ATP6V0A1: variants seen among roughly 807,000 people sequenced by gnomAD.
ATP6V0A1 encodes V-type proton ATPase 116 kDa subunit a 1.
ATP6V0A1 carries 43 observed loss-of-function variants against 105.4 expected under a neutral mutation model. That is an observed-to-expected ratio of 0.41 (90% CI 0.32 to 0.53). The LOEUF (loss-of-function observed/expected upper bound fraction) is 0.53. ATP6V0A1 is among the 20% of genes least tolerant of loss of function. The pLI is 0.30. For missense variants in ATP6V0A1, 676 were observed against 1,051.1 expected (o/e 0.64, Z 4.93); for synonymous variants, 362 against 372.8 (o/e 0.97, Z 0.33).
At chr17:42,480,532 A>C in intron 7 of ATP6V0A1, 135 bp from the exon 8 acceptor site, 1 of 658,646 alleles carries the variant, frequency 1.5e-6, no homozygotes, top group Admixed American at 3.2e-5. Context: ...GAGTGAGGGC[A>C]GTGGTTAAAA....
chr17:42,507,774 C>T (rs2092117590), intron 18 of ATP6V0A1, 147 bp downstream of exon 18: 2 of 708,670 alleles, frequency 2.8e-6, no homozygotes, highest in South Asian at 1.5e-5. Context: ...CTTAGGGCAC[C>T]ACAGCTTTTT....
intron 5 of ATP6V0A1, among the ~76,000 whole-genome samples, chr17:42,476,023 C>G (rs1348924271): frequency 2.6e-5 from 4 of 152,126 alleles, no homozygotes; most frequent in Non-Finnish European, 5.9e-5. Flanking sequence ...TGTGAGTAGT[C>G]AGGCTCACTG....
rs35135162 is a variant in ATP6V0A1 at position 42,462,998 on chromosome 17, C to CTTTTT, written c.117+2007_117+2011dup. ...CCAGCACCCCAATCAGGATATGGAACTTTTTTTTTTTTTTTTTTTTTTTTG... is the reference window on the plus strand; with the variant it reads ...CCAGCACCCCAATCAGGATATGGAACTTTTTTTTTTTTTTTTTTTTTTTTTTTTTG... On this transcript the variant is annotated intron_variant, in intron 2 of 21. Coordinates refer to ENST00000343619, the MANE Select transcript of ATP6V0A1 (RefSeq NM_001130021.3). 4.2e-3 allele frequency among the ~76,000 whole-genome samples: 281 copies of CTTTTT among 66,168 alleles called. 12 individuals are homozygous for CTTTTT. Among genetic ancestry groups the CTTTTT allele is most frequent in the African/African-American group, 5.7e-3 (92 of 16,064 alleles). The allele number at this position is 66,168 out of a possible 152,430, so 43.4% of individuals were successfully genotyped here.
chr17:42,488,296 A>G (rs2090304605), intron 10 of ATP6V0A1, among the ~76,000 whole-genome samples: 1 of 152,236 alleles, frequency 6.6e-6, no homozygotes, highest in African/African-American at 2.4e-5. Context: ...CAGGATTTAC[A>G]GTGGGTTAGC....
chr17:42,513,909 T>C lies in ATP6V0A1; in HGVS notation c.2179T>C (p.Tyr727His), dbSNP rs756472204. The C allele has an allele frequency of 1.2e-6, 2 of 1,614,168 alleles. No individual in the cohort carries two copies. Among genetic ancestry groups the C allele is most frequent in the Non-Finnish European group, 1.7e-6 (2 of 1,180,028 alleles). ...MVHQAIHTIE[Y>H]CLGCISNTAS... ...CCACCAGGCCATCCACACCATCGAG[T>C]ACTGCCTGGGCTGCATCTCCAACAC... Residue 727 changes from tyrosine to histidine, a missense_variant, in exon 20 of 22, where the codon TAC becomes CAC. Coordinates refer to ENST00000343619, the MANE Select transcript of ATP6V0A1 (RefSeq NM_001130021.3).
chr17:42,494,579 G>T, intron 12 of ATP6V0A1, 106 bp downstream of exon 12: 1 of 1,357,568 alleles, frequency 7.4e-7, no homozygotes, highest in Non-Finnish European at 1.0e-6. Context: ...TTTATCAAAA[G>T]GAAGTAGAGA....
chr17:42,487,498 C>T (rs1218257258), intron 10 of ATP6V0A1, 131 bp downstream of exon 10: 29 of 816,062 alleles, frequency 3.6e-5, no homozygotes, highest in African/African-American at 2.4e-4. Context: ...GAGGCCGAGG[C>T]GGGCAGATCA....
At chr17:42,509,125 C>G (rs1304889719) in intron 19 of ATP6V0A1, among the ~76,000 whole-genome samples, 2 of 151,966 alleles carry the variant, frequency 1.3e-5, no homozygotes, top group African/African-American at 4.8e-5. Flanking sequence ...CTCCATGTGA[C>G]CCAGGTGAGA....
chr17:42,490,471 T>C lies in ATP6V0A1; in HGVS notation c.1024-16T>C. 1 of 1,592,806 alleles carries C rather than the reference T, an allele frequency of 6.3e-7. No individual in the cohort carries two copies. The highest frequency in any genetic ancestry group is 8.5e-7 in the Non-Finnish European group (1 of 1,172,664). On this transcript the variant is annotated splice_polypyrimidine_tract_variant and intron_variant, in intron 10 of 21. Transcript: ENST00000343619. The stretch of plus-strand genomic sequence containing the variant: ...GAGGATAACCTAAGTTTGATAAATG[T>C]GCTAATGTTTTTCAGGAACACAGTG...
intron 3 of ATP6V0A1, among the ~76,000 whole-genome samples, chr17:42,466,975 G>A (rs561921229): frequency 1.3e-5 from 2 of 151,820 alleles, no homozygotes; most frequent in East Asian, 1.9e-4. Context: ...GTAAAACCCC[G>A]TCTCTACTAA....
chr17:42,495,837 T>A (rs2091108245), intron 14 of ATP6V0A1, 121 bp downstream of exon 14: 1 of 858,930 alleles, frequency 1.2e-6, no homozygotes, highest in Non-Finnish European at 1.8e-6. Flanking sequence ...CGCTCATGCC[T>A]GTAATCCCAG....
chr17:42,495,241 C>T, intron 13 of ATP6V0A1, 53 bp downstream of exon 13: 1 of 1,577,962 alleles, frequency 6.3e-7, no homozygotes, highest in Non-Finnish European at 8.7e-7. Context: ...ATGTGCAGCC[C>T]TGATTTTTAA....
At chr17:42,512,636 A>G (rs2092402666) in intron 19 of ATP6V0A1, among the ~76,000 whole-genome samples, 1 of 152,154 alleles carries the variant, frequency 6.6e-6, no homozygotes, top group African/African-American at 2.4e-5. Context: ...CAGAGATGGC[A>G]TGGTGGAGCC....
At position 42,480,956 on chromosome 17, in the gene ATP6V0A1, C is replaced by G. The variant is rs1301562873; in HGVS notation, c.716+207C>G. ...GTTGTTCAGATGGGGGGGTCTCACT[C>G]TGTTGCCCAGGCTGGAGTGCAGTGG... On this transcript the variant is annotated intron_variant, in intron 8 of 21. Transcript: ENST00000343619. 5 of 409,632 alleles carry G rather than the reference C, an allele frequency of 1.2e-5. No individual in the cohort carries two copies. The East Asian group carries it at 2.2e-4, about 18-fold the overall frequency. The allele number at this position is 409,632 out of a possible 1,614,324, so 25.4% of individuals were successfully genotyped here.
chr17:42,508,729 C>T (rs1359420441), intron 19 of ATP6V0A1, 140 bp downstream of exon 19: 5 of 1,173,802 alleles, frequency 4.3e-6, no homozygotes, highest in Non-Finnish European at 6.2e-6. Flanking sequence ...CCATTTCAAA[C>T]CAGTTCGTGA....
At chr17:42,464,329 C>T (rs1043381955) in intron 2 of ATP6V0A1, among the ~76,000 whole-genome samples, 3 of 151,976 alleles carry the variant, frequency 2.0e-5, no homozygotes, top group Non-Finnish European at 4.4e-5. Flanking sequence ...CCTTAGATTC[C>T]TCTAATATTA....
At chr17:42,497,967 C>T (rs981720383) in intron 14 of ATP6V0A1, among the ~76,000 whole-genome samples, 6 of 151,538 alleles carry the variant, frequency 4.0e-5, no homozygotes, top group South Asian at 4.2e-4. Flanking sequence ...CCTTACTGGC[C>T]GGGCGCAGTG....
chr17:42,470,041 A>C, intron 4 of ATP6V0A1, 49 bp from the exon 5 acceptor site: 1 of 1,508,200 alleles, frequency 6.6e-7, no homozygotes, highest in Non-Finnish European at 9.0e-7. Context: ...AATGTCTTTC[A>C]GAGCAAACAT....
At chr17:42,516,368 C>A (rs539041507) in intron 21 of ATP6V0A1, among the ~76,000 whole-genome samples, 1 of 152,138 alleles carries the variant, frequency 6.6e-6, no homozygotes, top group East Asian at 1.9e-4. Flanking sequence ...AGCCCTGCTG[C>A]GTCAGTAGAC....
Sources: allele counts gnomAD v4.1 joint callset (sites outside exome capture counted in the v4.1 genomes callset), GRCh38; gene constraint gnomAD v4.1.1; transcripts MANE v1.5; gene names NCBI Gene and HGNC (gene_info 2026-07-23, HGNC 2026-07-21).